Variants in GPRASP1 observed in about 807,000 individuals in gnomAD.
GPRASP1 encodes the protein G protein-coupled receptor associated sorting protein 1, also known as G protein-coupled receptor-associated sorting protein 1.
Under a neutral mutation model 68.4 loss-of-function variants are expected in GPRASP1, and 28 were observed. The ratio of observed to expected loss-of-function variants is 0.41; its 90% confidence interval spans 0.30 to 0.56. GPRASP1 has a LOEUF of 0.56. Ranked by LOEUF, GPRASP1 falls within the 20% of genes least tolerant of loss-of-function variation. The pLI is 0.29. For synonymous variants in GPRASP1, 304 were observed against 358.2 expected, an observed-to-expected ratio of 0.85 and a Z score of 1.71; for missense variants, 913 against 1,031.5, an observed-to-expected ratio of 0.89 and a Z score of 1.57.
chrX:102,655,647 A>G lies in GPRASP1; in HGVS notation c.1734A>G (p.Thr578=). 1.7e-6 allele frequency: 2 copies of G among 1,210,970 alleles called. No homozygotes were observed. Among genetic ancestry groups the G allele is most frequent in the Non-Finnish European group, 2.2e-6 (2 of 895,206 alleles). The change falls in exon 6 of 6, where the codon ACA becomes ACG. Residue 578 remains threonine, a synonymous_variant. Transcript: ENST00000537097. The part of the protein sequence containing the change: ...EEARPGAEEE[T]IFGSWFWAEN... ...CCAGGCCAGGAGCTGAAGAAGAGACAATATTCGGGTCCTGGTTTTGGGCTG... is the reference window on the plus strand; with the variant it reads ...CCAGGCCAGGAGCTGAAGAAGAGACGATATTCGGGTCCTGGTTTTGGGCTG...
At position 102,655,198 on chromosome X, in the gene GPRASP1, G is replaced by A. The variant is rs1163590041; in HGVS notation, c.1285G>A (p.Val429Met). 3 of 1,211,701 alleles carry A rather than the reference G, an allele frequency of 2.5e-6. No homozygotes were observed. ...AGCCAGCATAGAGTCCAGTCTACAAGTGGAGGATGAGTCCATAATTGGGAG... is the reference window on the plus strand; with the variant it reads ...AGCCAGCATAGAGTCCAGTCTACAAATGGAGGATGAGTCCATAATTGGGAG... ...DEASIESSLQVEDESIIGSWF... is the reference protein window; with the variant it reads ...DEASIESSLQMEDESIIGSWF... The change falls in exon 6 of 6, where the codon GTG becomes ATG. Residue 429 changes from valine (V) to methionine (M), a missense_variant. Transcript: ENST00000537097.
Position 102,655,886 on chromosome X carries a change from C to T in GPRASP1, c.1973C>T (p.Thr658Ile). ...AKEEVSMKHG[T>I]GVRCRFMAGA... Reference sequence around the variant, plus strand: ...GAAGAGGTCAGTATGAAGCATGGGACTGGTGTCAGATGCAGATTTATGGCA... The same window carrying T: ...GAAGAGGTCAGTATGAAGCATGGGATTGGTGTCAGATGCAGATTTATGGCA... Residue 658 changes from threonine to isoleucine, a missense_variant, in exon 6 of 6, where the codon ACT (threonine) becomes ATT (isoleucine). Transcript: ENST00000537097. 1 of 1,211,498 alleles carries T rather than the reference C, an allele frequency of 8.3e-7. No homozygotes were observed. The highest frequency in any genetic ancestry group is 1.1e-6 in the Non-Finnish European group (1 of 895,400).
chrX:102,657,577 C>A lies in GPRASP1; in HGVS notation c.3664C>A (p.Arg1222Ser), dbSNP rs758707631. 1.7e-6 allele frequency: 2 copies of A among 1,209,797 alleles called. No individual in the cohort carries two copies. The highest frequency in any genetic ancestry group is 2.2e-6 in the Non-Finnish European group (2 of 895,016). Residue 1222 changes from arginine to serine, a missense_variant, in exon 6 of 6, where the codon CGC becomes AGC. By Grantham distance (110) the Arg-to-Ser change is moderately radical. Coordinates refer to ENST00000537097, the MANE Select transcript of GPRASP1 (RefSeq NM_001184727.2). The stretch of plus-strand genomic sequence containing the variant: ...AACAAGTTTTTTGGAAAATATGATT[C>A]GCATGGCCCCACCTTATCCGAATCT... Reference protein sequence around the residue: ...VRTSFLENMIRMAPPYPNLNI... With the variant: ...VRTSFLENMISMAPPYPNLNI...
rs1487242279 is a variant in GPRASP1, at chrX:102,653,662, C to G, written c.-252C>G. On this transcript the variant is annotated 5_prime_UTR_variant, in exon 6 of 6. It adds an upstream start codon to the 5' untranslated region. Coordinates refer to ENST00000537097, the MANE Select transcript of GPRASP1 (RefSeq NM_001184727.2). ...ACGGGTCTGCACCCATCCAGGAAAT[C>G]TCTGTCTTCCTCAAGCTTGGTTGTG... The G allele has an allele frequency of 1.2e-5, 4 of 343,231 alleles. No individual in the cohort carries two copies. Among genetic ancestry groups the G allele is most frequent in the African/African-American group, 1.0e-4 (4 of 39,048 alleles). 28.3% of individuals were successfully genotyped at this position (343,231 alleles called of 1,213,427 possible). A position where few individuals can be genotyped will look rare whatever the true frequency, so the allele number is the denominator to read the frequency against.
At position 102,656,756 on chromosome X, in the gene GPRASP1, T is replaced by C; in HGVS notation, c.2843T>C (p.Ile948Thr). The change falls in exon 6 of 6, where the codon ATT (isoleucine) becomes ACT (threonine). Residue 948 changes from isoleucine to threonine, a missense_variant. Coordinates refer to ENST00000537097, the MANE Select transcript of GPRASP1 (RefSeq NM_001184727.2). ...ESWFWSRDKA[I>T]KETGTVATCE... ...TGGTTCTGGTCTAGAGACAAAGCCATTAAGGAAACTGGAACTGTGGCCACC... is the reference window on the plus strand; with the variant it reads ...TGGTTCTGGTCTAGAGACAAAGCCACTAAGGAAACTGGAACTGTGGCCACC... 8.3e-7 allele frequency: 1 copy of C among 1,209,956 alleles called. No homozygotes were observed.
Position 102,658,553 on chromosome X carries a change from GT to G in GPRASP1, c.*459del, listed in dbSNP as rs1280630819. ...TATGAATAATATGTTCCTTTCAAAA[GT>G]TTTTTTCTCAGCTTTAAACGCAAAA... On this transcript the variant is annotated 3_prime_UTR_variant, in exon 6 of 6. Coordinates refer to ENST00000537097, the MANE Select transcript of GPRASP1 (RefSeq NM_001184727.2). The G allele has an allele frequency of 8.2e-6, 1 of 122,219 alleles. No individual in the cohort carries two copies. The highest frequency in any genetic ancestry group is 1.9e-5 in the Non-Finnish European group (1 of 53,241). The allele number at this position is 122,219 out of a possible 1,213,427, so 10.1% of individuals were successfully genotyped here. A position where few individuals can be genotyped will look rare whatever the true frequency, so the allele number is the denominator to read the frequency against.
Position 102,658,212 on chromosome X carries a change from T to C in GPRASP1, c.*111T>C. ...GTGTTGCAACATATATCTTTAGTGCTGACACTAACTTTGTCCAACTCTGTC... is the reference window on the plus strand; with the variant it reads ...GTGTTGCAACATATATCTTTAGTGCCGACACTAACTTTGTCCAACTCTGTC... On this transcript the variant is annotated 3_prime_UTR_variant, in exon 6 of 6. Coordinates refer to ENST00000537097, the MANE Select transcript of GPRASP1 (RefSeq NM_001184727.2). 1 of 436,887 alleles carries C rather than the reference T, an allele frequency of 2.3e-6. No homozygotes were observed. Among genetic ancestry groups the C allele is most frequent in the Non-Finnish European group, 4.0e-6 (1 of 249,978 alleles). The allele number at this position is 436,887 out of a possible 1,213,427, so 36.0% of individuals were successfully genotyped here.
In GPRASP1 at chrX:102,654,257, A is replaced by G. The variant is rs2081384091; in HGVS notation, c.344A>G (p.Asn115Ser). 1 of 1,210,638 alleles carries G rather than the reference A, an allele frequency of 8.3e-7. No individual in the cohort carries two copies. The highest frequency in any genetic ancestry group is 3.0e-5 in the East Asian group (1 of 33,841). The change falls in exon 6 of 6, where the codon AAT (asparagine) becomes AGT (serine). Residue 115 changes from asparagine (N) to serine (S), a missense_variant. Asn to Ser is a conservative substitution (Grantham distance 46, BLOSUM62 1). Transcript: ENST00000537097. ...AAGACAGAGAGAAACTCCCAGACCA[A>G]TATCATAGCCTCTCCACTTGTCAGT... The part of the protein sequence containing the change: ...LSKTERNSQT[N>S]IIASPLVSTD...
In GPRASP1 at chrX:102,654,817, G is replaced by A; in HGVS notation, c.904G>A (p.Glu302Lys). ...YVESSSGSEH[E>K]DHLESWFGAG... ...TGAATCAAGTTCTGGATCTGAGCAT[G>A]AAGACCATTTGGAGTCCTGGTTTGG... Residue 302 changes from glutamate to lysine, a missense_variant, in exon 6 of 6, where the codon GAA becomes AAA. Transcript: ENST00000537097. 8.3e-7 allele frequency: 1 copy of A among 1,211,738 alleles called. No homozygotes were observed. The highest frequency in any genetic ancestry group is 1.1e-6 in the Non-Finnish European group (1 of 895,354).
Position 102,651,723 on chromosome X carries a change from G to T in GPRASP1, c.-582G>T, listed in dbSNP as rs931261460. ...GGAGACGATCCGTTCGGAGCCGGGC[G>T]CTAGAGAGAGGTGCGCAGTGCCCGA... On this transcript the variant is annotated 5_prime_UTR_variant, in exon 2 of 6. Transcript: ENST00000537097. 2 of 112,260 alleles carry T rather than the reference G, an allele frequency of 1.8e-5. No individual in the cohort carries two copies. The highest frequency in any genetic ancestry group is 6.5e-5 in the African/African-American group (2 of 30,873). The allele number at this position is 112,260 out of a possible 1,213,427, so 9.3% of individuals were successfully genotyped here. A position where few individuals can be genotyped will look rare whatever the true frequency, so the allele number is the denominator to read the frequency against.
At position 102,658,690 on chromosome X, in the gene GPRASP1, A is replaced by T. The variant is rs1251929882; in HGVS notation, c.*589A>T. Reference sequence around the variant, plus strand: ...GGTGTAAAAAAAAAAAAAAGCATGGAGTTAGGAAAAATTTTCCTATGGGAG... The same window carrying T: ...GGTGTAAAAAAAAAAAAAAGCATGGTGTTAGGAAAAATTTTCCTATGGGAG... On this transcript the variant is annotated 3_prime_UTR_variant, in exon 6 of 6. Transcript: ENST00000537097. 8.3e-6 allele frequency: 1 copy of T among 119,840 alleles called. No individual in the cohort carries two copies. Among genetic ancestry groups the T allele is most frequent in the East Asian group, 2.8e-4 (1 of 3,514 alleles). 9.9% of individuals were successfully genotyped at this position (119,840 alleles called of 1,213,427 possible).
Position 102,657,102 on chromosome X carries a change from A to G in GPRASP1, c.3189A>G (p.Pro1063=), listed in dbSNP as rs1396938349. 3 of 1,210,246 alleles carry G rather than the reference A, an allele frequency of 2.5e-6. No homozygotes were observed. The highest frequency in any genetic ancestry group is 3.4e-6 in the Non-Finnish European group (3 of 894,129). ...GTCCATGGGGTAGGGTCGGCTTCCCATCTATAAGCCCCTTTAGATTTCCGA... is the reference window on the plus strand; with the variant it reads ...GTCCATGGGGTAGGGTCGGCTTCCCGTCTATAAGCCCCTTTAGATTTCCGA... ...KPGPWGRVGF[P]SISPFRFPKE... is the part of the protein sequence containing the mutation. The change falls in exon 6 of 6, where the codon CCA becomes CCG. Residue 1063 remains proline, a synonymous_variant. Transcript: ENST00000537097.
At position 102,655,042 on chromosome X, in the gene GPRASP1, G is replaced by A; in HGVS notation, c.1129G>A (p.Ala377Thr). ...GCCCATGATCAAGAAAGAGGCCAGGGCCAGAGCAATGACAAAGGAAGAGGC... is the reference window on the plus strand; with the variant it reads ...GCCCATGATCAAGAAAGAGGCCAGGACCAGAGCAATGACAAAGGAAGAGGC... ...SRPMIKKEARARAMTKEEAKT... is the reference protein window; with the variant it reads ...SRPMIKKEARTRAMTKEEAKT... Residue 377 changes from alanine to threonine, a missense_variant, in exon 6 of 6, where the codon GCC becomes ACC. By Grantham distance (58) the Ala-to-Thr change is moderately conservative. Coordinates refer to ENST00000537097, the MANE Select transcript of GPRASP1 (RefSeq NM_001184727.2). The A allele has an allele frequency of 8.3e-7, 1 of 1,211,711 alleles. No homozygotes were observed. Among genetic ancestry groups the A allele is most frequent in the Non-Finnish European group, 1.1e-6 (1 of 895,342 alleles).
chrX:102,658,718 A>G lies in GPRASP1; in HGVS notation c.*617A>G. The stretch of plus-strand genomic sequence containing the variant: ...TAGGAAAAATTTTCCTATGGGAGTG[A>G]GGTATCCTGTTTGCCTAGAGTGAGT... On this transcript the variant is annotated 3_prime_UTR_variant, in exon 6 of 6. Coordinates refer to ENST00000537097, the MANE Select transcript of GPRASP1 (RefSeq NM_001184727.2). 1 of 121,176 alleles carries G rather than the reference A, an allele frequency of 8.3e-6. No individual in the cohort carries two copies. The highest frequency in any genetic ancestry group is 4.7e-3 in the Middle Eastern group (1 of 212). The allele number at this position is 121,176 out of a possible 1,213,427, so 10.0% of individuals were successfully genotyped here.
chrX:102,652,785 G>C (rs1013860667), intron 3 of GPRASP1, 46 bp from the exon 4 acceptor site: 1 of 112,605 alleles, frequency 8.9e-6, no homozygotes, highest in Non-Finnish European at 1.9e-5. Flanking sequence ...GGGCTTTACT[G>C]CCACCCCTCA....
Position 102,654,648 on chromosome X carries a change from C to G in GPRASP1, c.735C>G (p.Leu245=). ...TMSRSQTNQE[L]YIASSSGSED... ...CTAGGTCCCAAACTAACCAGGAGCT[C>G]TATATTGCATCTAGTTCTGGTTCTG... Residue 245 remains leucine, a synonymous_variant, in exon 6 of 6, where the codon CTC becomes CTG. Transcript: ENST00000537097. The G allele has an allele frequency of 8.3e-7, 1 of 1,210,541 alleles. No homozygotes were observed. The highest frequency in any genetic ancestry group is 1.8e-5 in the South Asian group (1 of 56,940).
rs2081382867 is a variant in GPRASP1, at chrX:102,654,128, G to T, written c.215G>T (p.Gly72Val). ...ACCAAAGTTGAGACAAGTGCAGTGGGTGGGGCACGCCCTAAGAGTAAGGCC... is the reference window on the plus strand; with the variant it reads ...ACCAAAGTTGAGACAAGTGCAGTGGTTGGGGCACGCCCTAAGAGTAAGGCC... ...ASTKVETSAV[G>V]GARPKSKAKA... The change falls in exon 6 of 6, where the codon GGT (glycine) becomes GTT (valine). Residue 72 changes from glycine to valine, a missense_variant. Transcript: ENST00000537097. 2 of 1,212,034 alleles carry T rather than the reference G, an allele frequency of 1.7e-6. No homozygotes were observed. The highest frequency in any genetic ancestry group is 2.2e-5 in the Admixed American group (1 of 46,147).
Position 102,655,857 on chromosome X carries a change from C to T in GPRASP1, c.1944C>T (p.Ala648=). 8.3e-7 allele frequency: 1 copy of T among 1,210,926 alleles called. No homozygotes were observed. The highest frequency in any genetic ancestry group is 1.1e-6 in the Non-Finnish European group (1 of 895,218). The change falls in exon 6 of 6, where the codon GCC becomes GCT. Residue 648 remains alanine (A), a synonymous_variant. Coordinates refer to ENST00000537097, the MANE Select transcript of GPRASP1 (RefSeq NM_001184727.2). ...KEEAMIPCFG[A]KEEVSMKHGT... is the part of the protein sequence containing the mutation. ...AGGCCATGATACCATGTTTTGGAGCCAAAGAAGAGGTCAGTATGAAGCATG... is the reference window on the plus strand; with the variant it reads ...AGGCCATGATACCATGTTTTGGAGCTAAAGAAGAGGTCAGTATGAAGCATG...
intron 2 of GPRASP1, 22 bp downstream of exon 2, chrX:102,651,755 T>G (rs887015339): frequency 8.9e-6 from 1 of 112,323 alleles, no homozygotes; most frequent in African/African-American, 3.2e-5. Context: ...CCGAGATCCC[T>G]GGCTATGGGG....
Sources: allele counts gnomAD v4.1 joint callset, GRCh38; gene constraint gnomAD v4.1.1; transcripts MANE v1.5; gene names NCBI Gene and HGNC (gene_info 2026-07-23, HGNC 2026-07-21).